CNTNAP5: variants seen among roughly 807,000 people sequenced by gnomAD.
The protein encoded by CNTNAP5 is contactin associated protein family member 5, also known as contactin-associated protein-like 5.
CNTNAP5 carries 72 observed loss-of-function variants against 150.2 expected under a neutral mutation model. The ratio of observed to expected loss-of-function variants is 0.48; its 90% CI spans 0.40 to 0.58. The LOEUF is 0.58. Ranked by LOEUF, CNTNAP5 falls within the 20% of genes least tolerant of loss-of-function variation. The probability of loss-of-function intolerance (pLI) is 0.00; values close to 1 mark genes in which losing one functional copy is unlikely to be tolerated. For missense variants in CNTNAP5, 1,636 were observed against 1,626.2 expected (o/e 1.01, Z -0.10); for synonymous variants, 672 against 619.8 (o/e 1.08, Z -1.25).
chr2:124,427,682 C>T lies in CNTNAP5; in HGVS notation c.530-6802C>T, dbSNP rs920531686. On this transcript the variant is annotated intron_variant, in intron 4 of 23. Transcript: ENST00000682447. ...ATGCTGGTCAGGCTGGTTTCAAACT[C>T]CTGACCTCAGGTGATCTGCCTGCCT... Among the ~76,000 whole-genome samples, 3 of 152,174 alleles carry T rather than the reference C, an allele frequency of 2.0e-5. No homozygotes were observed. The South Asian group carries it at 6.2e-4, about 32-fold the overall frequency.
At chr2:124,369,565 C>T (rs1179990763) in intron 3 of CNTNAP5, among the ~76,000 whole-genome samples, 1 of 152,012 alleles carries the variant, frequency 6.6e-6, no homozygotes, top group African/African-American at 2.4e-5. Flanking sequence ...GGTTGAAAAC[C>T]TTTTCTTTCC....
chr2:124,811,449 T>G (rs990951000), intron 19 of CNTNAP5, among the ~76,000 whole-genome samples: 7 of 152,168 alleles, frequency 4.6e-5, no homozygotes. Flanking sequence ...TAAAGAAAGT[T>G]GTTTACAGTT....
chr2:124,060,431 T>G lies in CNTNAP5; in HGVS notation c.82+34699T>G, dbSNP rs143702302. ...ATGCTCATGGGCAGCTCCTCTGTAA[T>G]TCACAGGAAAGCCTACACTTACGTC... is the stretch of plus-strand genomic sequence containing the variant. On this transcript the variant is annotated intron_variant, in intron 1 of 23. Coordinates refer to ENST00000682447, the MANE Select transcript of CNTNAP5 (RefSeq NM_001367498.1). 3.7e-3 allele frequency among the ~76,000 whole-genome samples: 566 copies of G among 152,306 alleles called. 3 individuals carry two copies. The highest frequency in any genetic ancestry group is 0.013 in the African/African-American group (546 of 41,564).
intron 16 of CNTNAP5, among the ~76,000 whole-genome samples, chr2:124,764,569 C>A (rs566111978): frequency 1.3e-5 from 2 of 152,268 alleles, no homozygotes; most frequent in East Asian, 3.9e-4. Flanking sequence ...ATTTCCCACA[C>A]TAGGAGCGTG....
In CNTNAP5 at chr2:124,914,888, T is replaced by C. The variant is rs1678731244; in HGVS notation, c.*600T>C. On this transcript the variant is annotated 3_prime_UTR_variant, in exon 24 of 24. Coordinates refer to ENST00000682447, the MANE Select transcript of CNTNAP5 (RefSeq NM_001367498.1). ...TATGACCCTTAGACCCTGAGTATTT[T>C]CAAATATATGATTGCTGATAGTAGT... 1 of 152,178 alleles carries C rather than the reference T, an allele frequency of 6.6e-6. No homozygotes were observed. The highest frequency in any genetic ancestry group is 1.9e-4 in the East Asian group (1 of 5,156). 9.4% of individuals were successfully genotyped at this position (152,178 alleles called of 1,614,324 possible). A position where few individuals can be genotyped will look rare whatever the true frequency, so the allele number is the denominator to read the frequency against.
chr2:124,269,703 G>A (rs999973750), intron 3 of CNTNAP5, among the ~76,000 whole-genome samples: 1 of 152,116 alleles, frequency 6.6e-6, no homozygotes, highest in Non-Finnish European at 1.5e-5. Context: ...CTGCACAATT[G>A]GTAGCTGGCT....
chr2:124,128,063 A>G (rs893737692), intron 1 of CNTNAP5, among the ~76,000 whole-genome samples: 1 of 152,220 alleles, frequency 6.6e-6, no homozygotes, highest in African/African-American at 2.4e-5. Flanking sequence ...GACAAATGGG[A>G]TCTAATTAAA....
intron 3 of CNTNAP5, among the ~76,000 whole-genome samples, chr2:124,291,034 A>C (rs1412871718): frequency 6.6e-6 from 1 of 152,120 alleles, no homozygotes; most frequent in South Asian, 2.1e-4. Context: ...TGGGCAGTAG[A>C]TGCAACTGAG....
At chr2:124,624,008 G>A (rs536690704) in intron 12 of CNTNAP5, among the ~76,000 whole-genome samples, 2 of 152,138 alleles carry the variant, frequency 1.3e-5, no homozygotes, top group South Asian at 4.2e-4. Context: ...TCTCTCTAAT[G>A]GGTTTATGAT....
At position 124,449,761 on chromosome 2, in the gene CNTNAP5, C is replaced by G. The variant is rs1350149022; in HGVS notation, c.918+2824C>G. 5.9e-5 allele frequency among the ~76,000 whole-genome samples: 9 copies of G among 152,270 alleles called. No individual in the cohort carries two copies. In the East Asian group the frequency reaches 1.7e-3, roughly 29 times the overall value. ...TTCTCCAGATTGTTCAGCCAGCTTG[C>G]TCCAATGATTATAAAAGAAGATAGA... On this transcript the variant is annotated intron_variant, in intron 6 of 23. Coordinates refer to ENST00000682447, the MANE Select transcript of CNTNAP5 (RefSeq NM_001367498.1).
At chr2:124,329,780 A>G (rs1250507559) in intron 3 of CNTNAP5, among the ~76,000 whole-genome samples, 1 of 152,190 alleles carries the variant, frequency 6.6e-6, no homozygotes, top group Non-Finnish European at 1.5e-5. Flanking sequence ...AAGCCTCTAT[A>G]TGGCTCAAGC....
In CNTNAP5 at chr2:124,747,233, A is replaced by G; in HGVS notation, c.2082A>G (p.Gly694=). The G allele has an allele frequency of 6.2e-7, 1 of 1,612,682 alleles. No individual in the cohort carries two copies. Among genetic ancestry groups the G allele is most frequent in the Non-Finnish European group, 8.5e-7 (1 of 1,178,978 alleles). Residue 694 remains glycine, a synonymous_variant, in exon 14 of 24, where the codon GGA becomes GGG. Transcript: ENST00000682447. ...GTGGAATATCTTGTCTTCCAGATGG[A>G]ACACCATTTACCTGGTGGATTGGGC... ...RRSRLLNTPD[G]TPFTWWIGRS... is the part of the protein sequence containing the mutation.
chr2:124,399,818 AGG>A (rs1691357887), intron 3 of CNTNAP5, among the ~76,000 whole-genome samples: 1 of 152,164 alleles, frequency 6.6e-6, no homozygotes, highest in Non-Finnish European at 1.5e-5. Flanking sequence ...TGGGTAACAT[AGG>A]GCTTGGTGAA....
At chr2:124,882,687 G>A (rs562891669) in intron 21 of CNTNAP5, among the ~76,000 whole-genome samples, 2 of 152,178 alleles carry the variant, frequency 1.3e-5, no homozygotes, top group East Asian at 3.9e-4. Flanking sequence ...CTGTGAACAG[G>A]AAGTTCCATA....
intron 8 of CNTNAP5, among the ~76,000 whole-genome samples, chr2:124,506,191 G>A (rs199741903): frequency 0.02 from 2,501 of 127,836 alleles, no homozygotes; most frequent in Non-Finnish European, 0.023. Context: ...GACTTTTAAA[G>A]AAAAAAAAAA....
At chr2:124,827,752 G>T (rs1682628727) in intron 19 of CNTNAP5, among the ~76,000 whole-genome samples, 1 of 152,100 alleles carries the variant, frequency 6.6e-6, no homozygotes, top group Admixed American at 6.5e-5. Flanking sequence ...TTCATAAGTA[G>T]CTCTATGTTA....
chr2:124,658,495 C>CAA (rs370216098), intron 13 of CNTNAP5, among the ~76,000 whole-genome samples: 1 of 115,236 alleles, frequency 8.7e-6, no homozygotes, highest in African/African-American at 3.2e-5. Context: ...ACAAACAAAC[C>CAA]AAAAAAAAAA....
intron 13 of CNTNAP5, among the ~76,000 whole-genome samples, chr2:124,717,671 A>G (rs1384527): frequency 2.0e-5 from 3 of 152,196 alleles, no homozygotes; most frequent in East Asian, 1.9e-4. Flanking sequence ...TGCTGCTGGT[A>G]TGTGGATGTC....
intron 3 of CNTNAP5, among the ~76,000 whole-genome samples, chr2:124,317,260 A>T (rs923760435): frequency 4.1e-4 from 63 of 152,340 alleles, no homozygotes; most frequent in African/African-American, 1.5e-3. Context: ...TGATGATAAC[A>T]GTAATAATTT....
Sources: allele counts gnomAD v4.1 joint callset (sites outside exome capture counted in the v4.1 genomes callset), GRCh38; gene constraint gnomAD v4.1.1; transcripts MANE v1.5; gene names NCBI Gene and HGNC (gene_info 2026-07-23, HGNC 2026-07-21).